The following ATRNL1 variants were observed in gnomAD, a reference collection of about 807,000 sequenced individuals.
ATRNL1 encodes the protein attractin-like protein 1.
A neutral mutation model predicts 182.7 loss-of-function variants in ATRNL1; 95 were observed. The observed-to-expected ratio is 0.52, with a 90% CI of 0.44 to 0.62. ATRNL1 has a LOEUF of 0.62. Among genes scored for constraint, ATRNL1 ranks in the 20% least tolerant of loss-of-function variants. The pLI, the probability that ATRNL1 is intolerant of heterozygous loss-of-function variation, is 0.00. For synonymous variants in ATRNL1, 576 were observed against 568.3 expected, an observed-to-expected ratio of 1.01 and a Z score of -0.19; for missense variants, 1,471 against 1,679.5, an observed-to-expected ratio of 0.88 and a Z score of 2.17.
intron 28 of ATRNL1, among the ~76,000 whole-genome samples, chr10:115,941,758 G>A (rs1953736616): frequency 6.6e-6 from 1 of 152,172 alleles, no homozygotes; most frequent in Admixed American, 6.5e-5. Context: ...CAGTCAGCTT[G>A]AACTTTTAGT....
rs537089681 is a variant in ATRNL1 at position 115,537,399 on chromosome 10, G to C, written c.3717-12059G>C. 2.0e-5 allele frequency among the ~76,000 whole-genome samples: 3 copies of C among 152,154 alleles called. No individual in the cohort carries two copies. The East Asian group carries it at 5.8e-4, about 29-fold the overall frequency. On this transcript the variant is annotated intron_variant, in intron 25 of 28. Coordinates refer to ENST00000355044, the MANE Select transcript of ATRNL1 (RefSeq NM_207303.4). ...GTCTCTTTTTTTCCAGTTTTCTGTA[G>C]CTCAGTTATAGGTATCACTATTTAA...
At chr10:115,666,671 T>C (rs1279635678) in intron 26 of ATRNL1, among the ~76,000 whole-genome samples, 1 of 152,130 alleles carries the variant, frequency 6.6e-6, no homozygotes, top group Non-Finnish European at 1.5e-5. Context: ...TAAAATTAAA[T>C]ACAATTTAAA....
intron 24 of ATRNL1, among the ~76,000 whole-genome samples, chr10:115,492,001 C>G (rs182938191): frequency 6.6e-6 from 1 of 152,124 alleles, no homozygotes; most frequent in African/African-American, 2.4e-5. Flanking sequence ...GAGGGAAATC[C>G]TCTGACCTCT....
At chr10:115,721,947 A>G (rs751011954) in intron 26 of ATRNL1, among the ~76,000 whole-genome samples, 6 of 152,202 alleles carry the variant, frequency 3.9e-5, no homozygotes, top group Non-Finnish European at 8.8e-5. Flanking sequence ...TACCTGGAAA[A>G]TCTGCTGTGG....
At chr10:115,929,592 T>G (rs1953335871) in intron 28 of ATRNL1, among the ~76,000 whole-genome samples, 1 of 152,114 alleles carries the variant, frequency 6.6e-6, no homozygotes, top group African/African-American at 2.4e-5. Flanking sequence ...CCAGACATGG[T>G]CACTTTCAGA....
At chr10:115,272,337 G>A (rs1390062831) in intron 13 of ATRNL1, among the ~76,000 whole-genome samples, 1 of 152,122 alleles carries the variant, frequency 6.6e-6, no homozygotes, top group Admixed American at 6.6e-5. Flanking sequence ...TGTGTGAAGT[G>A]GCAGTTCAGT....
intron 27 of ATRNL1, among the ~76,000 whole-genome samples, chr10:115,792,819 C>A (rs1241643518): frequency 1.3e-5 from 2 of 151,522 alleles, no homozygotes; most frequent in East Asian, 3.9e-4. Flanking sequence ...CGGTTAAGTT[C>A]AAATAGGCAA....
chr10:115,247,803 A>C (rs76010554), intron 10 of ATRNL1, among the ~76,000 whole-genome samples: 1 of 152,208 alleles, frequency 6.6e-6, no homozygotes, highest in Admixed American at 6.5e-5. Flanking sequence ...GAATTTGAAA[A>C]ATGTGGTATA....
chr10:115,156,681 C>T (rs568979320), intron 5 of ATRNL1, among the ~76,000 whole-genome samples: 7 of 152,100 alleles, frequency 4.6e-5, no homozygotes, highest in African/African-American at 1.7e-4. Context: ...TGAAATTGCA[C>T]TATAAGGTGA....
At chr10:115,179,569 A>T (rs1470908415) in intron 8 of ATRNL1, among the ~76,000 whole-genome samples, 1 of 152,032 alleles carries the variant, frequency 6.6e-6, no homozygotes, top group Non-Finnish European at 1.5e-5. Context: ...TGTTTTGATC[A>T]TATTATTTAT....
intron 28 of ATRNL1, among the ~76,000 whole-genome samples, chr10:115,871,487 A>ATG (rs1951584598): frequency 1.5e-5 from 2 of 132,538 alleles, no homozygotes; most frequent in African/African-American, 3.7e-5. Context: ...GTGTATATAT[A>ATG]TATATATATA....
chr10:115,344,078 T>C (rs1206414353), intron 19 of ATRNL1, among the ~76,000 whole-genome samples: 2 of 152,136 alleles, frequency 1.3e-5, no homozygotes, highest in Admixed American at 6.5e-5. Context: ...TGGTCAGACA[T>C]GAAGCCAGCA....
intron 25 of ATRNL1, among the ~76,000 whole-genome samples, chr10:115,529,454 A>C (rs1447508058): frequency 1.3e-5 from 2 of 151,636 alleles, no homozygotes; most frequent in Non-Finnish European, 2.9e-5. Context: ...CAGGGAAATA[A>C]ATGGAAATTT....
chr10:115,846,384 G>A (rs1370824031), intron 27 of ATRNL1, among the ~76,000 whole-genome samples: 5 of 151,948 alleles, frequency 3.3e-5, no homozygotes, highest in African/African-American at 9.7e-5. Flanking sequence ...TATCTTTAAT[G>A]CCTCATTAAA....
rs983766350 is a variant in ATRNL1, at chr10:115,739,056, C to T, written c.3903+11701C>T. Among the ~76,000 whole-genome samples the T allele has an allele frequency of 2.2e-4, 33 of 151,840 alleles. 1 individual carries two copies. The highest frequency in any genetic ancestry group is 3.2e-3 in the Middle Eastern group (1 of 316). ...ATATTATTTTTATCTTATCTTAAAT[C>T]ATTTAAGATGAATATAAGCTATGAT... On this transcript the variant is annotated intron_variant, in intron 27 of 28. Coordinates refer to ENST00000355044, the MANE Select transcript of ATRNL1 (RefSeq NM_207303.4).
At chr10:115,326,072 GTACCTTGCCAGGGCAAC>G (rs1248635681) in intron 18 of ATRNL1, among the ~76,000 whole-genome samples, 1 of 151,698 alleles carries the variant, frequency 6.6e-6, no homozygotes, top group Non-Finnish European at 1.5e-5. Context: ...CTATGAAACA[GTACCTTGCCAGGGCAAC>G]TAGGCAGGAG....
At chr10:115,774,168 TA>T (rs779981984) in intron 27 of ATRNL1, among the ~76,000 whole-genome samples, 118 of 152,080 alleles carry the variant, frequency 7.8e-4, no homozygotes, top group Non-Finnish European at 9.7e-4. Flanking sequence ...TGCCAAACAC[TA>T]AAAGTAGATT....
chr10:115,544,236 A>C (rs1301429398), intron 25 of ATRNL1, among the ~76,000 whole-genome samples: 3 of 152,206 alleles, frequency 2.0e-5, no homozygotes, highest in African/African-American at 7.2e-5. Context: ...ACAAACCTAC[A>C]AATATGTCAC....
intron 26 of ATRNL1, among the ~76,000 whole-genome samples, chr10:115,656,550 C>T (rs879966199): frequency 2.0e-5 from 3 of 152,164 alleles, no homozygotes; most frequent in Non-Finnish European, 4.4e-5. Context: ...GGGTGGGTAC[C>T]TGCGTTGCTG....
Sources: allele counts gnomAD v4.1 joint callset (sites outside exome capture counted in the v4.1 genomes callset), GRCh38; gene constraint gnomAD v4.1.1; transcripts MANE v1.5; gene names NCBI Gene and HGNC (gene_info 2026-07-23, HGNC 2026-07-21).